Variants in ZNF681 observed in about 807,000 individuals in gnomAD.
ZNF681 encodes the protein zinc finger protein 681.
Under a neutral mutation model 56.0 loss-of-function variants are expected in ZNF681, and 37 were observed. The ratio of observed to expected loss-of-function variants is 0.66; its 90% CI spans 0.51 to 0.87. The LOEUF is 0.87. Among genes scored for constraint, ZNF681 ranks in the 40% least tolerant of loss-of-function variants. The pLI, the probability that ZNF681 is intolerant of heterozygous loss-of-function variation, is 0.00. For missense variants in ZNF681, 741 were observed against 744.9 expected (o/e 0.99, Z 0.06); for synonymous variants, 225 against 248.6 (o/e 0.91, Z 0.89).
chr19:23,745,859 G>A (rs1306651535), intron 3 of ZNF681, among the ~76,000 whole-genome samples: 2 of 152,186 alleles, frequency 1.3e-5, no homozygotes, highest in African/African-American at 4.8e-5. Flanking sequence ...TGACCCAGGT[G>A]AGCAGAATGC....
chr19:23,746,269 G>A (rs1055325833), intron 3 of ZNF681, among the ~76,000 whole-genome samples: 1 of 151,682 alleles, frequency 6.6e-6, no homozygotes, highest in South Asian at 2.1e-4. Flanking sequence ...AGCCAAGATT[G>A]TGCCACTGCA....
chr19:23,743,575 G>A lies in ZNF681; in HGVS notation c.*37C>T. The A allele has an allele frequency of 7.0e-7, 1 of 1,436,426 alleles. No homozygotes were observed. Among genetic ancestry groups the A allele is most frequent in the Non-Finnish European group, 9.1e-7 (1 of 1,093,132 alleles). 89.0% of individuals were successfully genotyped at this position (1,436,426 alleles called of 1,614,324 possible). ...AATTATCTTATGCACAATCAAGTGT[G>A]ACAACTTTTAAAGGTTTTGTTACAT... On this transcript the variant is annotated 3_prime_UTR_variant, in exon 4 of 4. Transcript: ENST00000402377.
chr19:23,758,843 A>T lies in ZNF681; in HGVS notation c.-94T>A. 1 of 1,572,738 alleles carries T rather than the reference A, an allele frequency of 6.4e-7. No individual in the cohort carries two copies. Among genetic ancestry groups the T allele is most frequent in the Non-Finnish European group, 8.7e-7 (1 of 1,147,998 alleles). On this transcript the variant is annotated 5_prime_UTR_variant, in exon 1 of 4. Coordinates refer to ENST00000402377, the MANE Select transcript of ZNF681 (RefSeq NM_138286.3). ...GAGGCTGGGCCTCTAGAAGAAGAGG[A>T]CACAGAGCAGTGAAGACGAGACCCG...
intron 3 of ZNF681, among the ~76,000 whole-genome samples, 172 bp downstream of exon 3, chr19:23,754,651 C>A (rs777351953): frequency 1.3e-5 from 2 of 152,088 alleles, no homozygotes. Flanking sequence ...GGTGACAGAG[C>A]GAGACTCCAT....
chr19:23,745,296 A>G lies in ZNF681; in HGVS notation c.254T>C (p.Phe85Ser). ...PVICSHFAQD[F>S]SPEQNIKDSF... ...ATCTTTTATGTTCTGCTCTGGTGAA[A>G]AGTCTTGGGCAAAATGAGAACAAAT... The change falls in exon 4 of 4, where the codon TTT becomes TCT. Residue 85 changes from phenylalanine to serine, a missense_variant. Phe to Ser is a radical substitution (Grantham distance 155). Coordinates refer to ENST00000402377, the MANE Select transcript of ZNF681 (RefSeq NM_138286.3). 1 of 1,568,652 alleles carries G rather than the reference A, an allele frequency of 6.4e-7. No individual in the cohort carries two copies. Among genetic ancestry groups the G allele is most frequent in the Admixed American group, 2.1e-5 (1 of 47,858 alleles).
intron 1 of ZNF681, among the ~76,000 whole-genome samples, chr19:23,756,909 C>T (rs1969129258): frequency 6.6e-6 from 1 of 151,826 alleles, no homozygotes; most frequent in Admixed American, 6.6e-5. Context: ...CTCGCTCTGT[C>T]ACCCAAGCTG....
rs1387943918 is a variant in ZNF681 at position 23,744,484 on chromosome 19, G to C, written c.1066C>G (p.His356Asp). 1 of 1,578,358 alleles carries C rather than the reference G, an allele frequency of 6.3e-7. No individual in the cohort carries two copies. The highest frequency in any genetic ancestry group is 1.1e-5 in the South Asian group (1 of 87,452). The change falls in exon 4 of 4, where the codon CAT (histidine) becomes GAT (aspartate). Residue 356 changes from histidine to aspartate, a missense_variant. His to Asp is a moderately conservative substitution (Grantham distance 81). Transcript: ENST00000402377. Reference sequence around the variant, plus strand: ...TTCTCTCCAGTATGAATTATCTTATGTCTGGTAAGGTGTGAGGACTGGTTA... The same window carrying C: ...TTCTCTCCAGTATGAATTATCTTATCTCTGGTAAGGTGTGAGGACTGGTTA... The part of the protein sequence containing the change: ...AFNQSSHLTR[H>D]KIIHTGEKPY...
intron 3 of ZNF681, among the ~76,000 whole-genome samples, chr19:23,753,542 T>C (rs1204290308): frequency 7.2e-5 from 11 of 152,290 alleles, no homozygotes; most frequent in African/African-American, 2.7e-4. Context: ...ATTTCATGTC[T>C]ATAGATTGAA....
At position 23,744,186 on chromosome 19, in the gene ZNF681, C is replaced by T. The variant is rs527947163; in HGVS notation, c.1364G>A (p.Cys455Tyr). Residue 455 changes from cysteine (C) to tyrosine (Y), a missense_variant, in exon 4 of 4, where the codon TGT (cysteine) becomes TAT (tyrosine). Transcript: ENST00000402377. ...TGAGAACTGGTTAAAGGCTTTCCCA[C>T]ATTCTTCACATTTGTATGGTTTCTC... ...TEEKPYKCEECGKAFNQFSNL... is the reference protein window; with the variant it reads ...TEEKPYKCEEYGKAFNQFSNL... 1 of 1,613,498 alleles carries T rather than the reference C, an allele frequency of 6.2e-7. No individual in the cohort carries two copies. The highest frequency in any genetic ancestry group is 1.3e-5 in the African/African-American group (1 of 74,950).
chr19:23,744,439 A>G lies in ZNF681; in HGVS notation c.1111T>C (p.Cys371Arg). 1.9e-6 allele frequency: 3 copies of G among 1,578,748 alleles called. No homozygotes were observed. Among genetic ancestry groups the G allele is most frequent in the Non-Finnish European group, 1.7e-6 (2 of 1,159,324 alleles). ...GAGGACTGCCTAAAGGCTTTGCCAC[A>G]TTCTTCACATCTGTAGGGCTTCTCT... ...TGEKPYRCEE[C>R]GKAFRQSSHL... Residue 371 changes from cysteine to arginine, a missense_variant, in exon 4 of 4, where the codon TGT becomes CGT. Physicochemically the swap from Cys to Arg is radical, Grantham distance 180 (BLOSUM62 -3). Transcript: ENST00000402377.
Position 23,739,656 on chromosome 19 carries a change from AC to A in ZNF681, c.*3955del, listed in dbSNP as rs1332505355. ...GGCAGCTGTTTCTTATGGTCTCATG[AC>A]TGGCCACTCTGTGAACACAGTAAAC... On this transcript the variant is annotated 3_prime_UTR_variant, in exon 4 of 4. Coordinates refer to ENST00000402377, the MANE Select transcript of ZNF681 (RefSeq NM_138286.3). 6.6e-6 allele frequency: 1 copy of A among 152,192 alleles called. No homozygotes were observed. The highest frequency in any genetic ancestry group is 1.9e-4 in the East Asian group (1 of 5,200). 9.4% of individuals were successfully genotyped at this position (152,192 alleles called of 1,614,324 possible).
chr19:23,744,781 C>G lies in ZNF681; in HGVS notation c.769G>C (p.Glu257Gln), dbSNP rs1433934517. Residue 257 changes from glutamate (E) to glutamine (Q), a missense_variant, in exon 4 of 4, where the codon GAA (glutamate) becomes CAA (glutamine). Physicochemically the swap from Glu to Gln is conservative, Grantham distance 29. Coordinates refer to ENST00000402377, the MANE Select transcript of ZNF681 (RefSeq NM_138286.3). Reference protein sequence around the residue: ...IYTRDKLYKREECSKAFNLSS... With the variant: ...IYTRDKLYKRQECSKAFNLSS... Reference sequence around the variant, plus strand: ...AGGTTAAAGGCTTTGCTACATTCTTCACGTTTGTAGAGTTTGTCTCTAGTA... The same window carrying G: ...AGGTTAAAGGCTTTGCTACATTCTTGACGTTTGTAGAGTTTGTCTCTAGTA... 1 of 1,612,950 alleles carries G rather than the reference C, an allele frequency of 6.2e-7. No homozygotes were observed. Among genetic ancestry groups the G allele is most frequent in the Admixed American group, 1.7e-5 (1 of 59,898 alleles).
At position 23,741,789 on chromosome 19, in the gene ZNF681, A is replaced by G. The variant is rs1250548647; in HGVS notation, c.*1823T>C. Reference sequence around the variant, plus strand: ...CAAACAATAAATGCTGCAGGTAATGAATATTTCATTTACCCATATGTAATT... The same window carrying G: ...CAAACAATAAATGCTGCAGGTAATGGATATTTCATTTACCCATATGTAATT... On this transcript the variant is annotated 3_prime_UTR_variant, in exon 4 of 4. Coordinates refer to ENST00000402377, the MANE Select transcript of ZNF681 (RefSeq NM_138286.3). The G allele has an allele frequency of 1.3e-5, 2 of 152,140 alleles. No individual in the cohort carries two copies. The highest frequency in any genetic ancestry group is 4.8e-5 in the African/African-American group (2 of 41,440). 9.4% of individuals were successfully genotyped at this position (152,140 alleles called of 1,614,324 possible). A position where few individuals can be genotyped will look rare whatever the true frequency, so the allele number is the denominator to read the frequency against.
intron 3 of ZNF681, among the ~76,000 whole-genome samples, chr19:23,752,508 C>T (rs1277160073): frequency 1.7e-4 from 2 of 11,794 alleles, no homozygotes; most frequent in African/African-American, 2.9e-4. Context: ...TTAAATAAGA[C>T]TCAACCATAT....
At position 23,749,188 on chromosome 19, in the gene ZNF681, A is replaced by G. The variant is rs1184024631; in HGVS notation, c.227-3865T>C. Among the ~76,000 whole-genome samples the G allele has an allele frequency of 2.6e-5, 4 of 152,206 alleles. No homozygotes were observed. The East Asian group carries it at 5.8e-4, about 22-fold the overall frequency. ...AAAAAAAATCTTGTCACACTTTAAG[A>G]CAAACTTCGAGAATTATTATGTCAC... is the stretch of plus-strand genomic sequence containing the variant. On this transcript the variant is annotated intron_variant, in intron 3 of 3. Transcript: ENST00000402377.
chr19:23,756,444 T>C (rs948914326), intron 1 of ZNF681, among the ~76,000 whole-genome samples: 3 of 151,942 alleles, frequency 2.0e-5, no homozygotes, highest in Admixed American at 6.6e-5. Context: ...TACACAACCA[T>C]GGAATACTAT....
intron 1 of ZNF681, among the ~76,000 whole-genome samples, chr19:23,756,007 CA>C (rs1334473532): frequency 1.3e-5 from 2 of 152,082 alleles, no homozygotes; most frequent in African/African-American, 4.8e-5. Context: ...TATATACTCA[CA>C]AGAATATAAA....
Position 23,739,687 on chromosome 19 carries a change from T to C in ZNF681, c.*3925A>G, listed in dbSNP as rs1034337728. 7.2e-5 allele frequency: 11 copies of C among 152,140 alleles called. No homozygotes were observed. The highest frequency in any genetic ancestry group is 1.2e-4 in the Non-Finnish European group (8 of 68,032). 9.4% of individuals were successfully genotyped at this position (152,140 alleles called of 1,614,324 possible). On this transcript the variant is annotated 3_prime_UTR_variant, in exon 4 of 4. Transcript: ENST00000402377. ...CACTCTGTGAACACAGTAAACAAGT[T>C]TGCACGCAAAATAATAGAAAATGTT...
In ZNF681 at chr19:23,755,564, C is replaced by G. The variant is rs1969102542; in HGVS notation, c.4-13G>C. 6 of 1,317,974 alleles carry G rather than the reference C, an allele frequency of 4.6e-6. No individual in the cohort carries two copies. The highest frequency in any genetic ancestry group is 6.0e-6 in the Non-Finnish European group (6 of 998,600). The allele number at this position is 1,317,974 out of a possible 1,614,324, so 81.6% of individuals were successfully genotyped here. A position where few individuals can be genotyped will look rare whatever the true frequency, so the allele number is the denominator to read the frequency against. On this transcript the variant is annotated splice_polypyrimidine_tract_variant and intron_variant, in intron 1 of 3. Transcript: ENST00000402377. ...ATTTCAATGGTTCCTGAAAAACACA[C>G]ACACACACACACACACACACACACA...
Sources: allele counts gnomAD v4.1 joint callset (sites outside exome capture counted in the v4.1 genomes callset), GRCh38; gene constraint gnomAD v4.1.1; transcripts MANE v1.5; gene names NCBI Gene and HGNC (gene_info 2026-07-23, HGNC 2026-07-21).